ADGRL1: variants seen among roughly 807,000 people sequenced by gnomAD.
ADGRL1 encodes the protein adhesion G protein-coupled receptor L1.
Under a neutral mutation model 148.9 loss-of-function variants are expected in ADGRL1, and 31 were observed. The ratio of observed to expected loss-of-function variants is 0.21; its 90% CI spans 0.16 to 0.28. The LOEUF (loss-of-function observed/expected upper bound fraction) is 0.28. ADGRL1 is among the 10% of genes least tolerant of loss of function. The probability of loss-of-function intolerance (pLI) is 1.00; values close to 1 mark genes in which losing one functional copy is unlikely to be tolerated. For missense variants in ADGRL1, 1,521 were observed against 2,058.8 expected, an observed-to-expected ratio of 0.74 and a Z score of 5.05; for synonymous variants, 937 against 900.3, an observed-to-expected ratio of 1.04 and a Z score of -0.73.
Position 14,161,120 on chromosome 19 carries a change from C to A in ADGRL1, c.1510+192G>T, listed in dbSNP as rs1482234781. 6.6e-6 allele frequency among the ~76,000 whole-genome samples: 1 copy of A among 152,186 alleles called. No homozygotes were observed. Among genetic ancestry groups the A allele is most frequent in the African/African-American group, 2.4e-5 (1 of 41,450 alleles). ...CAGGTCACCTCCTGCGGACTCCCTG[C>A]AGGTTCTGCAGGTGGGGCCAGGGGC... On this transcript the variant is annotated intron_variant, in intron 6 of 22. Transcript: ENST00000361434. The surrounding 1 kb of genome is among the most constrained non-coding windows in gnomAD (Gnocchi z 4.4).
chr19:14,153,101 G>T (rs577900413), intron 18 of ADGRL1, among the ~76,000 whole-genome samples, 189 bp from the exon 19 acceptor site: 2 of 152,170 alleles, frequency 1.3e-5, no homozygotes, highest in African/African-American at 4.8e-5. Context: ...ACAGCCAGCC[G>T]ATCAGGTTTC....
At chr19:14,182,796 C>A (rs957204420) in intron 2 of ADGRL1, among the ~76,000 whole-genome samples, 1 of 152,164 alleles carries the variant, frequency 6.6e-6, no homozygotes, top group Non-Finnish European at 1.5e-5. Flanking sequence ...CGGGGCAGTG[C>A]CAAGGCCCTG....
At chr19:14,191,711 T>TC (rs1480857000) in intron 1 of ADGRL1, among the ~76,000 whole-genome samples, 3 of 149,226 alleles carry the variant, frequency 2.0e-5, no homozygotes, top group Non-Finnish European at 4.5e-5. Context: ...TTTTTTTTTT[T>TC]CTGAGACAAG....
At chr19:14,167,084 AAGAAAAAAAGAG>A in intron 4 of ADGRL1, 1 of 1,452,830 alleles carries the variant, frequency 6.9e-7, no homozygotes, top group Non-Finnish European at 9.6e-7. Flanking sequence ...AAAAATGTGC[AAGAAAAAAAGAG>A]AAAAAAAAAG....
chr19:14,155,255 C>G lies in ADGRL1; in HGVS notation c.3294+104G>C, dbSNP rs1405843153. On this transcript the variant is annotated intron_variant, in intron 18 of 22. Coordinates refer to ENST00000361434, the MANE Select transcript of ADGRL1 (RefSeq NM_014921.5). This position sits in a 1 kb window ranked among gnomAD's most constrained non-coding sequence, Gnocchi z 5.0. ...GAAGCCCTGCAGCACTCACTGGGGG[C>G]TTGAGGGAGCCCCTGAGTCCCCTCC... 3.7e-6 allele frequency: 5 copies of G among 1,352,362 alleles called. No homozygotes were observed. Among genetic ancestry groups the G allele is most frequent in the Admixed American group, 2.0e-5 (1 of 49,918 alleles). The allele number at this position is 1,352,362 out of a possible 1,614,324, so 83.8% of individuals were successfully genotyped here.
At chr19:14,174,471 C>G (rs954606237) in intron 3 of ADGRL1, among the ~76,000 whole-genome samples, 2 of 152,026 alleles carry the variant, frequency 1.3e-5, no homozygotes, top group Non-Finnish European at 2.9e-5. Flanking sequence ...ACTGTCATCC[C>G]CTGCCCAAAC....
chr19:14,164,131 G>T (rs1969719378), intron 4 of ADGRL1, among the ~76,000 whole-genome samples: 1 of 151,810 alleles, frequency 6.6e-6, no homozygotes, highest in South Asian at 2.1e-4. Context: ...CAGTAGCCGA[G>T]GAAGGGATTC....
chr19:14,159,988 C>G lies in ADGRL1; in HGVS notation c.1800+124G>C. ...AGTCCTTGGCGGAGAGGGGGGGGTC[C>G]TTCCTCTCTGAGGAAAGGAGTGGAG... On this transcript the variant is annotated intron_variant, in intron 8 of 22. Transcript: ENST00000361434. The surrounding 1 kb of genome is among the most constrained non-coding windows in gnomAD (Gnocchi z 6.0). The G allele has an allele frequency of 8.9e-7, 1 of 1,128,950 alleles. No individual in the cohort carries two copies. The highest frequency in any genetic ancestry group is 1.2e-6 in the Non-Finnish European group (1 of 803,490). The allele number at this position is 1,128,950 out of a possible 1,614,324, so 69.9% of individuals were successfully genotyped here.
Position 14,162,513 on chromosome 19 carries a change from G to A in ADGRL1, c.1195+93C>T. 1 of 1,139,944 alleles carries A rather than the reference G, an allele frequency of 8.8e-7. No individual in the cohort carries two copies. Among genetic ancestry groups the A allele is most frequent in the Non-Finnish European group, 1.3e-6 (1 of 789,876 alleles). 70.6% of individuals were successfully genotyped at this position (1,139,944 alleles called of 1,614,324 possible). On this transcript the variant is annotated intron_variant, in intron 5 of 22. Transcript: ENST00000361434. The surrounding 1 kb of genome is among the most constrained non-coding windows in gnomAD (Gnocchi z 5.4). The stretch of plus-strand genomic sequence containing the variant: ...ACCTCCCGATCCCCAAGAGCTCACA[G>A]GATGGGGCTCCCCACTCTGGGACCC...
Position 14,161,747 on chromosome 19 carries a change from C to T in ADGRL1, c.1196-121G>A, listed in dbSNP as rs1157776266. 7 of 696,934 alleles carry T rather than the reference C, an allele frequency of 1.0e-5. No individual in the cohort carries two copies. The East Asian group carries it at 2.0e-4, about 20-fold the overall frequency. The allele number at this position is 696,934 out of a possible 1,614,324, so 43.2% of individuals were successfully genotyped here. A position where few individuals can be genotyped will look rare whatever the true frequency, so the allele number is the denominator to read the frequency against. ...CATCTACTGAAGTGGAAACACGTGC[C>T]GGGCCCCACTGGGTCTATGAGTTGA... On this transcript the variant is annotated intron_variant, in intron 5 of 22. Coordinates refer to ENST00000361434, the MANE Select transcript of ADGRL1 (RefSeq NM_014921.5). The surrounding 1 kb of genome is among the most constrained non-coding windows in gnomAD (Gnocchi z 4.4).
At chr19:14,196,817 T>C (rs1972291179) in intron 1 of ADGRL1, among the ~76,000 whole-genome samples, 1 of 152,098 alleles carries the variant, frequency 6.6e-6, no homozygotes, top group African/African-American at 2.4e-5. Flanking sequence ...TGTCCTGACT[T>C]GATTTCTCCA....
Position 14,152,107 on chromosome 19 carries a change from C to T in ADGRL1, c.3667+26G>A. ...TCTGTCCCTCTCCCAGCCTCAGAAA[C>T]ATCCCCAGGGAAGAGTCACACTTAC... On this transcript the variant is annotated intron_variant, in intron 22 of 22. Coordinates refer to ENST00000361434, the MANE Select transcript of ADGRL1 (RefSeq NM_014921.5). This position sits in a 1 kb window ranked among gnomAD's most constrained non-coding sequence, Gnocchi z 6.1. 2 of 1,608,322 alleles carry T rather than the reference C, an allele frequency of 1.2e-6. No individual in the cohort carries two copies. The highest frequency in any genetic ancestry group is 2.2e-5 in the East Asian group (1 of 44,870).
intron 4 of ADGRL1, chr19:14,167,180 A>C (rs368952552): frequency 2.7e-6 from 2 of 733,428 alleles, no homozygotes; most frequent in Non-Finnish European, 4.6e-6. Context: ...TGCTTCCCCA[A>C]CCCCTTCCGT....
Position 14,160,139 on chromosome 19 carries a change from G to A in ADGRL1, c.1773C>T (p.Arg591=), listed in dbSNP as rs141541993. The A allele has an allele frequency of 2.5e-6, 4 of 1,588,828 alleles. No individual in the cohort carries two copies. The highest frequency in any genetic ancestry group is 2.3e-5 in the East Asian group (1 of 44,078). Residue 591 remains arginine (R), a synonymous_variant, in exon 8 of 23, where the codon CGC becomes CGT. Coordinates refer to ENST00000361434, the MANE Select transcript of ADGRL1 (RefSeq NM_014921.5). The surrounding 1 kb of genome is among the most constrained non-coding windows in gnomAD (Gnocchi z 5.9). The stretch of plus-strand genomic sequence containing the variant: ...TGTTGTAGTTCTTGCCGGCTGACTC[G>A]CGCTCGATGGGCCGCAGGGCCTGCA... ...AQLQALRPIE[R]ESAGKNYNKM...
intron 2 of ADGRL1, among the ~76,000 whole-genome samples, chr19:14,181,545 C>A (rs1173832430): frequency 1.3e-5 from 2 of 151,950 alleles, no homozygotes; most frequent in East Asian, 3.9e-4. Flanking sequence ...ATGGTGAAAC[C>A]CTGTCTCTAC....
rs1283410298 is a variant in ADGRL1, at chr19:14,148,198, G to C, written c.*2675C>G. 1 of 153,052 alleles carries C rather than the reference G, an allele frequency of 6.5e-6. No homozygotes were observed. Among genetic ancestry groups the C allele is most frequent in the Non-Finnish European group, 1.5e-5 (1 of 68,388 alleles). 9.5% of individuals were successfully genotyped at this position (153,052 alleles called of 1,614,324 possible). A position where few individuals can be genotyped will look rare whatever the true frequency, so the allele number is the denominator to read the frequency against. ...GTGGGGGCGTCAAGGCACCAGGTCT[G>C]GTTAGGTTGGGGGGACACCTGGGCT... On this transcript the variant is annotated 3_prime_UTR_variant, in exon 23 of 23. Transcript: ENST00000361434.
intron 2 of ADGRL1, among the ~76,000 whole-genome samples, chr19:14,178,752 T>C (rs1247556575): frequency 1.3e-5 from 2 of 152,092 alleles, no homozygotes; most frequent in African/African-American, 4.8e-5. Flanking sequence ...TCTCAAGCAA[T>C]CCTCCTGCCT....
intron 1 of ADGRL1, among the ~76,000 whole-genome samples, chr19:14,201,365 G>T (rs1259343010): frequency 7.4e-6 from 1 of 135,946 alleles, no homozygotes; most frequent in Non-Finnish European, 1.6e-5. Flanking sequence ...TCTATTTATT[G>T]AATTTTTATC....
chr19:14,157,028 A>G lies in ADGRL1; in HGVS notation c.2863T>C (p.Tyr955His). Reference sequence around the variant, plus strand: ...AGGTAGTAGTACTTGGTGCGGGAATACTCGCTCTCAAACACCTCCACTAGT... The same window carrying G: ...AGGTAGTAGTACTTGGTGCGGGAATGCTCGCTCTCAAACACCTCCACTAGT... ...LLLVEVFESE[Y>H]SRTKYYYLGG... The change falls in exon 15 of 23, where the codon TAT becomes CAT. Residue 955 changes from tyrosine to histidine, a missense_variant. Physicochemically the swap from Tyr to His is moderately conservative, Grantham distance 83. Coordinates refer to ENST00000361434, the MANE Select transcript of ADGRL1 (RefSeq NM_014921.5). The surrounding 1 kb of genome is among the most constrained non-coding windows in gnomAD (Gnocchi z 7.5). The G allele has an allele frequency of 6.2e-7, 1 of 1,613,868 alleles. No individual in the cohort carries two copies. The highest frequency in any genetic ancestry group is 1.1e-5 in the South Asian group (1 of 91,056).
Sources: allele counts gnomAD v4.1 joint callset (sites outside exome capture counted in the v4.1 genomes callset), GRCh38; gene constraint gnomAD v4.1.1; non-coding constraint Gnocchi (gnomAD v3.1); transcripts MANE v1.5; gene names NCBI Gene and HGNC (gene_info 2026-07-23, HGNC 2026-07-21).